Variants in ALDH1A2 observed in about 807,000 individuals in gnomAD.
ALDH1A2 encodes the protein aldehyde dehydrogenase 1 family member A2.
In ALDH1A2, 27 loss-of-function variants were observed where a neutral mutation model predicts 60.3. The ratio of observed to expected loss-of-function variants is 0.45; its 90% CI spans 0.33 to 0.62. ALDH1A2 has a LOEUF of 0.62. ALDH1A2 is among the 20% of genes least tolerant of loss of function. The probability of loss-of-function intolerance (pLI) is 0.02; values close to 1 mark genes in which losing one functional copy is unlikely to be tolerated. For missense variants in ALDH1A2, 581 were observed against 643.8 expected, an observed-to-expected ratio of 0.90 and a Z score of 1.06; for synonymous variants, 289 against 232.4, an observed-to-expected ratio of 1.24 and a Z score of -2.21.
chr15:58,052,517 G>A (rs1371328799), intron 1 of ALDH1A2, among the ~76,000 whole-genome samples: 1 of 152,012 alleles, frequency 6.6e-6, no homozygotes, highest in East Asian at 1.9e-4. Context: ...CCAGGCTGCA[G>A]TGCAGTGGCG....
intron 4 of ALDH1A2, among the ~76,000 whole-genome samples, chr15:58,005,357 T>C (rs76184804): frequency 0.015 from 2,187 of 150,528 alleles, 58 homozygotes; most frequent in African/African-American, 0.048. Context: ...TACTTGTTTT[T>C]CTTACTGTCC....
chr15:57,984,924 A>G (rs533673610), intron 7 of ALDH1A2, among the ~76,000 whole-genome samples: 2 of 152,140 alleles, frequency 1.3e-5, no homozygotes, highest in East Asian at 3.9e-4. Flanking sequence ...TATTACATTG[A>G]TTTTTTTACA....
intron 1 of ALDH1A2, among the ~76,000 whole-genome samples, chr15:58,052,754 G>C (rs1896806978): frequency 6.6e-6 from 1 of 152,106 alleles, no homozygotes; most frequent in Non-Finnish European, 1.5e-5. Context: ...TCAGAACACG[G>C]GTCTTCTAAT....
intron 7 of ALDH1A2, among the ~76,000 whole-genome samples, chr15:57,988,869 C>T (rs1344796810): frequency 2.4e-5 from 3 of 126,946 alleles, no homozygotes; most frequent in Non-Finnish European, 5.3e-5. Context: ...TTAACTTCCA[C>T]TACCTGATAT....
intron 5 of ALDH1A2, among the ~76,000 whole-genome samples, chr15:57,993,590 A>G (rs1175334394): frequency 6.6e-6 from 1 of 152,234 alleles, no homozygotes; most frequent in Admixed American, 6.5e-5. Context: ...ATTACAAAAA[A>G]TAAACTGCAT....
intron 7 of ALDH1A2, among the ~76,000 whole-genome samples, chr15:57,971,176 T>C (rs1310278478): frequency 2.0e-5 from 3 of 152,240 alleles, no homozygotes; most frequent in Non-Finnish European, 4.4e-5. Context: ...TTCTGGAACA[T>C]GCCTGTGTGT....
chr15:58,047,211 C>T (rs1480675353), intron 1 of ALDH1A2, among the ~76,000 whole-genome samples: 1 of 151,882 alleles, frequency 6.6e-6, no homozygotes, highest in Non-Finnish European at 1.5e-5. Flanking sequence ...ATAAAGCTGC[C>T]ATGTTTTATT....
At chr15:57,967,477 G>C (rs1333511217) in intron 7 of ALDH1A2, among the ~76,000 whole-genome samples, 2 of 152,104 alleles carry the variant, frequency 1.3e-5, no homozygotes, top group African/African-American at 4.8e-5. Flanking sequence ...TTCCAAAGCA[G>C]GTCTCCCGTA....
At chr15:58,054,238 G>A (rs541270241) in intron 1 of ALDH1A2, among the ~76,000 whole-genome samples, 2 of 152,024 alleles carry the variant, frequency 1.3e-5, no homozygotes, top group East Asian at 3.9e-4. Context: ...CAAAAGGGGA[G>A]GAATAAAAAA....
rs779384591 is a variant in ALDH1A2 at position 58,065,702 on chromosome 15, C to T, written c.-52G>A. The T allele has an allele frequency of 2.3e-6, 3 of 1,285,202 alleles. No individual in the cohort carries two copies. Among genetic ancestry groups the T allele is most frequent in the South Asian group, 1.5e-5 (1 of 66,882 alleles). 79.6% of individuals were successfully genotyped at this position (1,285,202 alleles called of 1,614,324 possible). On this transcript the variant is annotated 5_prime_UTR_variant, in exon 1 of 13. Coordinates refer to ENST00000249750, the MANE Select transcript of ALDH1A2 (RefSeq NM_003888.4). ...GCGGCGTGGGGCAGTGCGGGCTGTGCGCGCGGTCCGCGGCCCGGGGGCGCG... is the reference window on the plus strand; with the variant it reads ...GCGGCGTGGGGCAGTGCGGGCTGTGTGCGCGGTCCGCGGCCCGGGGGCGCG...
At chr15:58,000,312 C>T (rs1447659943) in intron 4 of ALDH1A2, among the ~76,000 whole-genome samples, 1 of 151,906 alleles carries the variant, frequency 6.6e-6, no homozygotes, top group African/African-American at 2.4e-5. Context: ...AAGAGCTAAG[C>T]CTTCTGTGGG....
chr15:58,065,246 A>C, intron 1 of ALDH1A2: 2 of 435,192 alleles, frequency 4.6e-6, no homozygotes, highest in Non-Finnish European at 4.2e-6. Context: ...GACCGGGAGA[A>C]TCGGACAGAA....
intron 1 of ALDH1A2, among the ~76,000 whole-genome samples, chr15:58,064,101 G>A (rs1299426748): frequency 1.3e-5 from 2 of 152,070 alleles, no homozygotes; most frequent in African/African-American, 4.8e-5. Flanking sequence ...CTTTTCTCCT[G>A]TGTAGATCTT....
intron 4 of ALDH1A2, among the ~76,000 whole-genome samples, chr15:58,008,805 T>A (rs1485191330): frequency 6.6e-6 from 1 of 152,084 alleles, no homozygotes; most frequent in Non-Finnish European, 1.5e-5. Context: ...CTGACATGTG[T>A]CCCACTGTTG....
intron 7 of ALDH1A2, among the ~76,000 whole-genome samples, chr15:57,986,103 A>T (rs1285698860): frequency 6.6e-6 from 1 of 152,248 alleles, no homozygotes; most frequent in African/African-American, 2.4e-5. Flanking sequence ...TTCTGCTTCT[A>T]ATTGTAATGG....
chr15:58,039,836 G>C (rs1482329210), intron 1 of ALDH1A2, among the ~76,000 whole-genome samples: 1 of 151,788 alleles, frequency 6.6e-6, no homozygotes, highest in Non-Finnish European at 1.5e-5. Context: ...AAGTTGGCAT[G>C]TTTGTCCTAG....
At chr15:57,998,085 C>T (rs1895126559) in intron 4 of ALDH1A2, among the ~76,000 whole-genome samples, 1 of 151,940 alleles carries the variant, frequency 6.6e-6, no homozygotes, top group African/African-American at 2.4e-5. Context: ...AACTCACAGC[C>T]AATATCATAC....
intron 1 of ALDH1A2, among the ~76,000 whole-genome samples, chr15:58,052,067 A>G (rs950365559): frequency 2.6e-5 from 4 of 152,300 alleles, no homozygotes; most frequent in Non-Finnish European, 4.4e-5. Context: ...GTAAGTCCTT[A>G]GCAAATATGA....
chr15:58,001,653 G>T (rs1269144069), intron 4 of ALDH1A2, among the ~76,000 whole-genome samples: 1 of 151,842 alleles, frequency 6.6e-6, no homozygotes, highest in Non-Finnish European at 1.5e-5. Flanking sequence ...GCTAACAATG[G>T]TCTCTCAGTA....
Sources: gnomAD v4.1 joint callset for allele counts (sites outside exome capture counted in the v4.1 genomes callset) on GRCh38, gnomAD v4.1.1 for gene constraint, MANE v1.5 for transcripts, NCBI Gene and HGNC (gene_info 2026-07-23, HGNC 2026-07-21) for gene names.